Variants in BMPR1A observed in about 807,000 individuals in gnomAD.
BMPR1A encodes the protein bone morphogenetic protein receptor type 1A, also known as bone morphogenetic protein receptor type-1A.
Under a neutral mutation model 66.0 loss-of-function variants are expected in BMPR1A, and 7 were observed. The observed-to-expected ratio is 0.11, with a 90% CI of 0.06 to 0.20. BMPR1A has a LOEUF of 0.20. BMPR1A is among the 10% of genes least tolerant of loss of function. BMPR1A has a pLI of 1.00. For missense variants in BMPR1A, 408 were observed against 669.1 expected (o/e 0.61, Z 4.31); for synonymous variants, 200 against 229.7 (o/e 0.87, Z 1.17).
chr10:86,888,781 C>A (rs1204123703), intron 3 of BMPR1A, among the ~76,000 whole-genome samples: 1 of 143,902 alleles, frequency 6.9e-6, no homozygotes, highest in East Asian at 2.0e-4. Context: ...GAGCTCTGAT[C>A]ACATCACTGT....
chr10:86,874,123 C>A (rs912935180), intron 2 of BMPR1A, among the ~76,000 whole-genome samples: 1 of 152,078 alleles, frequency 6.6e-6, no homozygotes, highest in Non-Finnish European at 1.5e-5. Context: ...AGCTGAAAGT[C>A]AATAAAATCA....
At chr10:86,903,599 A>ATTTT (rs1564719135) in intron 7 of BMPR1A, among the ~76,000 whole-genome samples, 4 of 148,892 alleles carry the variant, frequency 2.7e-5, no homozygotes, top group African/African-American at 1.0e-4. Context: ...TATTATTATT[A>ATTTT]TTTTTATTTA....
At chr10:86,801,080 A>G (rs964265408) in intron 1 of BMPR1A, among the ~76,000 whole-genome samples, 21 of 152,242 alleles carry the variant, frequency 1.4e-4, no homozygotes, top group Non-Finnish European at 2.2e-4. Context: ...GACAATGTGT[A>G]CTAAAATGCT....
chr10:86,897,161 C>G (rs959546045), intron 5 of BMPR1A, among the ~76,000 whole-genome samples: 4 of 152,236 alleles, frequency 2.6e-5, no homozygotes, highest in East Asian at 3.8e-4. Context: ...TATACTGTCT[C>G]CAGCCTGAGC....
intron 8 of BMPR1A, among the ~76,000 whole-genome samples, chr10:86,913,103 CTTATT>C (rs891048831): frequency 3.9e-5 from 6 of 151,928 alleles, no homozygotes; most frequent in South Asian, 4.2e-4. Flanking sequence ...CTGATCTCTT[CTTATT>C]TTATTTTATT....
At chr10:86,914,117 T>TA (rs74542203) in intron 8 of BMPR1A, among the ~76,000 whole-genome samples, 3,362 of 138,710 alleles carry the variant, frequency 0.024, 96 homozygotes, top group African/African-American at 0.075. Flanking sequence ...GTTAATTGAT[T>TA]AAAAAAAAAA....
chr10:86,804,798 T>A (rs911496543), intron 1 of BMPR1A, among the ~76,000 whole-genome samples: 6 of 149,922 alleles, frequency 4.0e-5, no homozygotes, highest in Non-Finnish European at 8.9e-5. Context: ...AGGTGTTTTT[T>A]TTTTTTTTTT....
chr10:86,904,700 A>G (rs1338297396), intron 7 of BMPR1A, among the ~76,000 whole-genome samples: 2 of 152,206 alleles, frequency 1.3e-5, no homozygotes, highest in African/African-American at 4.8e-5. Flanking sequence ...GGCACAAACT[A>G]ACAATATCTT....
At chr10:86,797,897 T>G (rs186853515) in intron 1 of BMPR1A, among the ~76,000 whole-genome samples, 107 of 152,256 alleles carry the variant, frequency 7.0e-4, no homozygotes, top group African/African-American at 1.6e-3. Context: ...GTCATTTAAA[T>G]TATTAAGTGA....
chr10:86,873,952 C>T (rs995285072), intron 2 of BMPR1A, among the ~76,000 whole-genome samples: 3 of 152,112 alleles, frequency 2.0e-5, no homozygotes, highest in Admixed American at 2.0e-4. Flanking sequence ...CACTGTAAAC[C>T]TTCTTTGCCT....
intron 1 of BMPR1A, among the ~76,000 whole-genome samples, chr10:86,763,786 A>AGTTGT (rs1314663089): frequency 7.4e-6 from 1 of 134,318 alleles, no homozygotes; most frequent in Non-Finnish European, 1.6e-5. Flanking sequence ...AGACTTGGAT[A>AGTTGT]GTTGTTTTTT....
chr10:86,890,031 A>G (rs1843124256), intron 3 of BMPR1A, 31 bp from the exon 4 acceptor site: 1 of 1,610,694 alleles, frequency 6.2e-7, no homozygotes, highest in Non-Finnish European at 8.5e-7. Context: ...TTCAGAAATG[A>G]TTTACTTACA....
rs1554891053 is a variant in BMPR1A at position 86,919,286 on chromosome 10, C to G, written c.983C>G (p.Thr328Ser). Residue 328 changes from threonine (T) to serine (S), a missense_variant, in exon 10 of 13, where the codon ACC becomes AGC. This residue lies in a region of BMPR1A where 23 missense variants were observed against 17.2 expected (regional missense o/e 1.34). Transcript: ENST00000372037. ...YDFLKCATLD[T>S]RALLKLAYSA... ...TTCCTGAAATGTGCTACACTGGACA[C>G]CAGAGCCCTGCTTAAATTGGCTTAT... The G allele has an allele frequency of 6.2e-7, 1 of 1,613,850 alleles. No homozygotes were observed. Among genetic ancestry groups the G allele is most frequent in the African/African-American group, 1.3e-5 (1 of 74,914 alleles).
chr10:86,897,611 A>C (rs1289011869), intron 5 of BMPR1A, among the ~76,000 whole-genome samples: 1 of 152,052 alleles, frequency 6.6e-6, no homozygotes, highest in Non-Finnish European at 1.5e-5. Flanking sequence ...TACTCTATAG[A>C]GCAGATTTTT....
At chr10:86,902,776 C>T (rs990935072) in intron 7 of BMPR1A, among the ~76,000 whole-genome samples, 1 of 152,180 alleles carries the variant, frequency 6.6e-6, no homozygotes, top group Non-Finnish European at 1.5e-5. Context: ...CAGGGGGAAC[C>T]CAGGTGTAGC....
At chr10:86,845,542 C>T (rs962252023) in intron 2 of BMPR1A, among the ~76,000 whole-genome samples, 4 of 152,156 alleles carry the variant, frequency 2.6e-5, no homozygotes, top group Admixed American at 6.5e-5. Context: ...CTGTGCATGC[C>T]ACATAGACCT....
At chr10:86,892,001 T>G (rs938532958) in intron 4 of BMPR1A, 126 bp from the exon 5 acceptor site, 6 of 741,548 alleles carry the variant, frequency 8.1e-6, no homozygotes, top group African/African-American at 3.5e-5. Flanking sequence ...CACGTGTGAA[T>G]GCAATTCTAA....
intron 4 of BMPR1A, among the ~76,000 whole-genome samples, chr10:86,890,989 C>T (rs978313323): frequency 3.3e-5 from 5 of 152,180 alleles, no homozygotes; most frequent in African/African-American, 1.2e-4. Flanking sequence ...ACAACTCAAC[C>T]TCATCAGTCA....
Position 86,787,831 on chromosome 10 carries a change from T to G in BMPR1A, c.-268+30912T>G, listed in dbSNP as rs1315507104. Among the ~76,000 whole-genome samples the G allele has an allele frequency of 2.0e-5, 3 of 152,198 alleles. No individual in the cohort carries two copies. The South Asian group carries it at 6.2e-4, about 32-fold the overall frequency. Reference sequence around the variant, plus strand: ...CAGCAAAGAGGGGAATGCCACATGCTTCCAGATCTCTTGAGAACTCACTAT... The same window carrying G: ...CAGCAAAGAGGGGAATGCCACATGCGTCCAGATCTCTTGAGAACTCACTAT... On this transcript the variant is annotated intron_variant, in intron 1 of 12. Transcript: ENST00000372037.
Sources: gnomAD v4.1 joint callset for allele counts (sites outside exome capture counted in the v4.1 genomes callset) on GRCh38, gnomAD v4.1.1 for gene constraint, gnomAD v4.1.1 regional missense constraint, MANE v1.5 for transcripts, NCBI Gene and HGNC (gene_info 2026-07-23, HGNC 2026-07-21) for gene names.